The following C8orf34 variants were observed in gnomAD, a reference collection of about 807,000 sequenced individuals.
The protein encoded by C8orf34 is chromosome 8 open reading frame 34.
Under a neutral mutation model 68.3 loss-of-function variants are expected in C8orf34, and 65 were observed. The ratio of observed to expected loss-of-function variants is 0.95; its 90% confidence interval spans 0.78 to 1.17. The LOEUF (loss-of-function observed/expected upper bound fraction) is 1.17. Ranked by LOEUF, C8orf34 falls within the 50% of genes most tolerant of loss-of-function variation. The probability of loss-of-function intolerance (pLI) is 0.00; values close to 1 mark genes in which losing one functional copy is unlikely to be tolerated. For missense variants in C8orf34, 664 were observed against 655.4 expected (o/e 1.01, Z -0.14); for synonymous variants, 244 against 241.2 (o/e 1.01, Z -0.11).
intron 7 of C8orf34, among the ~76,000 whole-genome samples, chr8:68,630,967 T>TTTTTAA (rs34850011): frequency 2.9e-5 from 4 of 137,144 alleles, no homozygotes; most frequent in African/African-American, 1.1e-4. Context: ...TTTTTTTTTT[T>TTTTTAA]AAAAAACAGG....
intron 1 of C8orf34, among the ~76,000 whole-genome samples, chr8:68,429,807 T>A (rs1810377952): frequency 6.6e-6 from 1 of 152,188 alleles, no homozygotes; most frequent in African/African-American, 2.4e-5. Flanking sequence ...TAATAGATAT[T>A]GTATGTGCCT....
intron 8 of C8orf34, among the ~76,000 whole-genome samples, chr8:68,708,689 C>T (rs1196398830): frequency 6.6e-6 from 1 of 152,176 alleles, no homozygotes; most frequent in Non-Finnish European, 1.5e-5. Context: ...CTCAATTCCC[C>T]TTTGGTGTTT....
intron 8 of C8orf34, among the ~76,000 whole-genome samples, chr8:68,688,339 A>T (rs1295973928): frequency 6.6e-6 from 1 of 152,098 alleles, no homozygotes; most frequent in African/African-American, 2.4e-5. Flanking sequence ...AATTGCAAAA[A>T]TATGGAACCA....
intron 7 of C8orf34, among the ~76,000 whole-genome samples, chr8:68,591,545 G>A (rs1337795368): frequency 6.6e-6 from 1 of 152,158 alleles, no homozygotes; most frequent in African/African-American, 2.4e-5. Flanking sequence ...GGAGGGAGAA[G>A]AAGCAGCTAA....
chr8:68,734,544 C>T (rs1439121618), intron 10 of C8orf34, among the ~76,000 whole-genome samples: 1 of 152,186 alleles, frequency 6.6e-6, no homozygotes, highest in Non-Finnish European at 1.5e-5. Context: ...CTATTCCCAA[C>T]AAAACTTCCA....
intron 2 of C8orf34, among the ~76,000 whole-genome samples, chr8:68,440,286 G>T (rs758829224): frequency 1.3e-5 from 2 of 152,088 alleles, no homozygotes; most frequent in Admixed American, 1.3e-4. Flanking sequence ...CCATTGCTTG[G>T]GTAACTAACT....
At chr8:68,523,062 A>C (rs1814826713) in intron 6 of C8orf34, among the ~76,000 whole-genome samples, 1 of 152,240 alleles carries the variant, frequency 6.6e-6, no homozygotes, top group South Asian at 2.1e-4. Context: ...TCAGGCCTAC[A>C]GAAAATTGAT....
At chr8:68,372,197 C>G (rs1316867611) in intron 1 of C8orf34, among the ~76,000 whole-genome samples, 1 of 152,132 alleles carries the variant, frequency 6.6e-6, no homozygotes, top group East Asian at 1.9e-4. Flanking sequence ...AAAACGGAAA[C>G]CACATTTGGT....
chr8:68,791,045 A>G, intron 12 of C8orf34: 1 of 590,190 alleles, frequency 1.7e-6, no homozygotes, highest in Non-Finnish European at 3.0e-6. Flanking sequence ...TCTGGAGAAA[A>G]AGGAAGGCTA....
At chr8:68,813,455 A>G (rs965891560) in intron 12 of C8orf34, among the ~76,000 whole-genome samples, 12 of 151,716 alleles carry the variant, frequency 7.9e-5, no homozygotes, top group Admixed American at 1.3e-4. Flanking sequence ...CTGCACTTGT[A>G]CTGTTGAATA....
In C8orf34 at chr8:68,460,988, T is replaced by A. The variant is rs1811792569; in HGVS notation, c.608-7704T>A. ...AGAAGAAGGCTTCAGATGATCAAAC[T>A]ACTCCGAGCTACAGGAAGAAATTCA... On this transcript the variant is annotated intron_variant, in intron 3 of 13. Transcript: ENST00000518698. 3.3e-5 allele frequency among the ~76,000 whole-genome samples: 5 copies of A among 152,196 alleles called. No individual in the cohort carries two copies. In the South Asian group the frequency reaches 1.0e-3, roughly 32 times the overall value.
At chr8:68,746,591 G>T (rs986543731) in intron 10 of C8orf34, among the ~76,000 whole-genome samples, 5 of 146,496 alleles carry the variant, frequency 3.4e-5, no homozygotes, top group Non-Finnish European at 6.0e-5. Context: ...TACTATCAGA[G>T]AATACTACAA....
chr8:68,722,093 CA>C (rs923278198), intron 10 of C8orf34, among the ~76,000 whole-genome samples: 2 of 152,096 alleles, frequency 1.3e-5, no homozygotes, highest in African/African-American at 4.8e-5. Context: ...GCTTAAATAA[CA>C]AAAAGTTATT....
chr8:68,732,362 C>A (rs1280828610), intron 10 of C8orf34, among the ~76,000 whole-genome samples: 1 of 152,020 alleles, frequency 6.6e-6, no homozygotes, highest in Admixed American at 6.6e-5. Context: ...AGTTGGATTT[C>A]CTGGTTTACC....
chr8:68,519,369 A>AT (rs1326628823), intron 5 of C8orf34, among the ~76,000 whole-genome samples: 2 of 152,120 alleles, frequency 1.3e-5, no homozygotes, highest in Non-Finnish European at 2.9e-5. Context: ...ATATATAATC[A>AT]TTTTTTCTCA....
rs558196637 is a variant in C8orf34, at chr8:68,709,447, G to T, written c.1327+368G>T. ...ACTGTTTCTCTGCCCCTTGTCACTT[G>T]CTATACGTGCTGCTCCCATTCTCAC... On this transcript the variant is annotated intron_variant, in intron 9 of 13. Coordinates refer to ENST00000518698, the MANE Select transcript of C8orf34 (RefSeq NM_052958.4). 7.4e-4 allele frequency among the ~76,000 whole-genome samples: 113 copies of T among 152,262 alleles called. 1 individual carries two copies. The highest frequency in any genetic ancestry group is 2.6e-3 in the African/African-American group (110 of 41,538).
chr8:68,519,677 G>T (rs1479580664), intron 5 of C8orf34, among the ~76,000 whole-genome samples: 1 of 151,908 alleles, frequency 6.6e-6, no homozygotes, highest in Non-Finnish European at 1.5e-5. Context: ...TTAGTCCTGA[G>T]GGTTTGAAAA....
chr8:68,589,600 GGAAA>G (rs541086204), intron 7 of C8orf34, among the ~76,000 whole-genome samples: 1 of 125,240 alleles, frequency 8.0e-6, no homozygotes, highest in Non-Finnish European at 1.7e-5. Flanking sequence ...AAGGAAGGAA[GGAAA>G]GAAAGAAGGA....
chr8:68,751,847 TTATAAAA>T (rs1403704141), intron 10 of C8orf34, among the ~76,000 whole-genome samples: 1 of 150,694 alleles, frequency 6.6e-6, no homozygotes, highest in African/African-American at 2.4e-5. Flanking sequence ...AAATTTATAT[TTATAAAA>T]TATAAAATAT....
Sources: allele counts gnomAD v4.1 joint callset (sites outside exome capture counted in the v4.1 genomes callset), GRCh38; gene constraint gnomAD v4.1.1; transcripts MANE v1.5; gene names NCBI Gene and HGNC (gene_info 2026-07-23, HGNC 2026-07-21).